ZRANB3: variants seen among roughly 807,000 people sequenced by gnomAD.
The protein encoded by ZRANB3 is DNA annealing helicase and endonuclease ZRANB3.
A neutral mutation model predicts 133.8 loss-of-function variants in ZRANB3; 125 were observed. The ratio of observed to expected loss-of-function variants is 0.93; its 90% CI spans 0.81 to 1.08. ZRANB3 has a LOEUF of 1.08. Among genes scored for constraint, ZRANB3 ranks in the 50% least tolerant of loss-of-function variants. The pLI, the probability that ZRANB3 is intolerant of heterozygous loss-of-function variation, is 0.00. For synonymous variants in ZRANB3, 387 were observed against 432.7 expected (o/e 0.89, Z 1.31); for missense variants, 1,229 against 1,275.5 (o/e 0.96, Z 0.56).
chr2:135,479,767 T>A (rs1331025587), intron 2 of ZRANB3, among the ~76,000 whole-genome samples: 2 of 152,116 alleles, frequency 1.3e-5, no homozygotes, highest in Non-Finnish European at 2.9e-5. Context: ...CCCACCCTGC[T>A]TGAAGAGGGG....
chr2:135,493,149 AT>A (rs1692484220), intron 2 of ZRANB3, among the ~76,000 whole-genome samples: 1 of 67,960 alleles, frequency 1.5e-5, no homozygotes, highest in African/African-American at 7.6e-5. Context: ...ATATATATAT[AT>A]ATATATATAT....
rs377469086 is a variant in ZRANB3, at chr2:135,526,508, A to G, written c.-8+4619T>C. 4.6e-5 allele frequency among the ~76,000 whole-genome samples: 7 copies of G among 152,266 alleles called. No individual in the cohort carries two copies. The East Asian group carries it at 9.6e-4, about 21-fold the overall frequency. On this transcript the variant is annotated intron_variant, in intron 1 of 20. Transcript: ENST00000264159. Reference sequence around the variant, plus strand: ...AAATTCCTAACTAAGGGGTCTAGGGAGTCATGCCCTACAAACCATAAATTC... The same window carrying G: ...AAATTCCTAACTAAGGGGTCTAGGGGGTCATGCCCTACAAACCATAAATTC...
chr2:135,281,481 G>A (rs955459678), intron 8 of ZRANB3, among the ~76,000 whole-genome samples: 1 of 151,906 alleles, frequency 6.6e-6, no homozygotes, highest in Non-Finnish European at 1.5e-5. Context: ...TCTGCTGGGG[G>A]TTTCAAAAAA....
intron 12 of ZRANB3, among the ~76,000 whole-genome samples, chr2:135,253,946 C>T (rs147842683): frequency 2.0e-5 from 3 of 152,154 alleles, no homozygotes; most frequent in African/African-American, 7.2e-5. Context: ...TGTTATTTAT[C>T]TGCTTAAAAA....
chr2:135,292,516 C>T (rs940549088), intron 8 of ZRANB3, among the ~76,000 whole-genome samples: 28 of 152,250 alleles, frequency 1.8e-4, no homozygotes, highest in South Asian at 1.4e-3. Context: ...GATGAGTAGA[C>T]TGCAAAAAAT....
intron 15 of ZRANB3, among the ~76,000 whole-genome samples, chr2:135,220,631 G>A (rs1015899299): frequency 6.9e-6 from 1 of 144,782 alleles, no homozygotes; most frequent in Non-Finnish European, 1.5e-5. Flanking sequence ...CCGGGAGGCA[G>A]AGATTACAGT....
At chr2:135,336,818 CA>C (rs1304114265) in intron 6 of ZRANB3, among the ~76,000 whole-genome samples, 1 of 151,598 alleles carries the variant, frequency 6.6e-6, no homozygotes, top group Admixed American at 6.6e-5. Context: ...TTCCAGACTC[CA>C]AAAGATAAAT....
intron 12 of ZRANB3, among the ~76,000 whole-genome samples, chr2:135,251,611 G>A (rs1295432878): frequency 2.0e-5 from 3 of 152,182 alleles, no homozygotes; most frequent in East Asian, 1.9e-4. Flanking sequence ...CATGAGACCC[G>A]ATGGTTTTAT....
intron 6 of ZRANB3, among the ~76,000 whole-genome samples, chr2:135,339,974 T>C (rs1323413895): frequency 6.6e-6 from 1 of 152,162 alleles, no homozygotes; most frequent in East Asian, 1.9e-4. Context: ...TTTTATGACT[T>C]CCCTAAAACA....
intron 2 of ZRANB3, among the ~76,000 whole-genome samples, chr2:135,425,948 A>G (rs1289062964): frequency 2.0e-5 from 3 of 152,110 alleles, no homozygotes; most frequent in Non-Finnish European, 4.4e-5. Flanking sequence ...ACCACTAGCT[A>G]GGCTGATAAA....
chr2:135,412,273 G>A (rs1353565013), intron 2 of ZRANB3, among the ~76,000 whole-genome samples: 2 of 152,076 alleles, frequency 1.3e-5, no homozygotes, highest in African/African-American at 2.4e-5. Context: ...CAGCTGATTA[G>A]TAGACAAAAT....
At position 135,301,599 on chromosome 2, in the gene ZRANB3, C is replaced by T. The variant is rs550451593; in HGVS notation, c.966+11890G>A. 7.9e-4 allele frequency among the ~76,000 whole-genome samples: 121 copies of T among 152,282 alleles called. 1 individual carries two copies. Among genetic ancestry groups the T allele is most frequent in the African/African-American group, 2.6e-3 (107 of 41,560 alleles). On this transcript the variant is annotated intron_variant, in intron 8 of 20. Coordinates refer to ENST00000264159, the MANE Select transcript of ZRANB3 (RefSeq NM_032143.4). ...CCTACTTTTGGTTCCCTGAATATGT[C>T]TTTCCGGTTATTCTGTGAGTTTCCA...
At chr2:135,295,739 T>A (rs1176981268) in intron 8 of ZRANB3, among the ~76,000 whole-genome samples, 2 of 152,226 alleles carry the variant, frequency 1.3e-5, no homozygotes, top group Non-Finnish European at 2.9e-5. Flanking sequence ...CCATGTTTAG[T>A]GCTTCCTTCA....
intron 4 of ZRANB3, 112 bp from the exon 5 acceptor site, chr2:135,350,327 A>G: frequency 5.7e-6 from 4 of 698,436 alleles, no homozygotes; most frequent in Non-Finnish European, 9.2e-6. Flanking sequence ...ATAGAGGAAA[A>G]ATAAAAGGAG....
At chr2:135,302,746 G>C (rs1205678428) in intron 8 of ZRANB3, among the ~76,000 whole-genome samples, 1 of 151,990 alleles carries the variant, frequency 6.6e-6, no homozygotes, top group Non-Finnish European at 1.5e-5. Flanking sequence ...GGCTGGTCTC[G>C]AACTCCTGAC....
intron 6 of ZRANB3, among the ~76,000 whole-genome samples, chr2:135,319,308 T>C (rs150330428): frequency 1.3e-5 from 2 of 152,260 alleles, no homozygotes; most frequent in Non-Finnish European, 2.9e-5. Context: ...TAACCACTTA[T>C]CACATCTATA....
intron 8 of ZRANB3, among the ~76,000 whole-genome samples, chr2:135,290,229 T>C (rs1466541061): frequency 6.6e-6 from 1 of 152,216 alleles, no homozygotes; most frequent in East Asian, 1.9e-4. Flanking sequence ...GTGGTCTATC[T>C]AACTTCTTAG....
intron 2 of ZRANB3, among the ~76,000 whole-genome samples, chr2:135,485,012 G>A (rs1434340566): frequency 6.6e-6 from 1 of 151,616 alleles, no homozygotes; most frequent in Non-Finnish European, 1.5e-5. Context: ...CTCCAGCCTG[G>A]GCAACAGAGT....
At chr2:135,462,359 C>A (rs1690799099) in intron 2 of ZRANB3, among the ~76,000 whole-genome samples, 1 of 152,148 alleles carries the variant, frequency 6.6e-6, no homozygotes, top group Non-Finnish European at 1.5e-5. Flanking sequence ...CAGAAATAAT[C>A]TTTGGCTACA....
Sources: gnomAD v4.1 joint callset for allele counts (sites outside exome capture counted in the v4.1 genomes callset) on GRCh38, gnomAD v4.1.1 for gene constraint, MANE v1.5 for transcripts, NCBI Gene and HGNC (gene_info 2026-07-23, HGNC 2026-07-21) for gene names.